Variants in PSTPIP2 observed in about 807,000 individuals in gnomAD.
PSTPIP2 encodes proline-serine-threonine phosphatase interacting protein 2.
In PSTPIP2, 33 loss-of-function variants were observed where a neutral mutation model predicts 63.3. The ratio of observed to expected loss-of-function variants is 0.52; its 90% CI spans 0.40 to 0.70. The LOEUF (loss-of-function observed/expected upper bound fraction) is 0.70. Among genes scored for constraint, PSTPIP2 ranks in the 30% least tolerant of loss-of-function variants. PSTPIP2 has a pLI of 0.00. For missense variants in PSTPIP2, 312 were observed against 400.7 expected (o/e 0.78, Z 1.89); for synonymous variants, 125 against 132.7 (o/e 0.94, Z 0.40).
At chr18:46,044,706 T>A (rs1266182373) in intron 1 of PSTPIP2, among the ~76,000 whole-genome samples, 1 of 151,970 alleles carries the variant, frequency 6.6e-6, no homozygotes, top group Non-Finnish European at 1.5e-5. Flanking sequence ...GAAACTACCA[T>A]CAGAGTGAAC....
chr18:46,006,775 T>C (rs544415072), intron 5 of PSTPIP2, among the ~76,000 whole-genome samples: 1 of 152,320 alleles, frequency 6.6e-6, no homozygotes, highest in East Asian at 1.9e-4. Flanking sequence ...GCAAAAATAA[T>C]GGTGTTAATA....
At chr18:46,028,322 C>T (rs1907664764) in intron 2 of PSTPIP2, 1 of 471,132 alleles carries the variant, frequency 2.1e-6, no homozygotes, top group Admixed American at 2.7e-5. Flanking sequence ...GACTGGAAAG[C>T]CGGAGCGGGG....
chr18:46,060,973 T>C (rs1163777648), intron 1 of PSTPIP2, among the ~76,000 whole-genome samples: 3 of 152,094 alleles, frequency 2.0e-5, no homozygotes, highest in Non-Finnish European at 4.4e-5. Context: ...GGTTGGCAGA[T>C]AAGAGGGAAT....
chr18:45,986,679 C>T (rs637001), intron 14 of PSTPIP2, among the ~76,000 whole-genome samples: 103,799 of 152,104 alleles, frequency 0.68, 36,810 homozygotes, highest in African/African-American at 0.88. Context: ...AGACTAGCAT[C>T]TATTTGTAGA....
rs751662235 is a variant in PSTPIP2, at chr18:46,005,560, A to G, written c.355-29T>C. 5.5e-6 allele frequency: 8 copies of G among 1,466,376 alleles called. No homozygotes were observed. In the South Asian group the frequency reaches 7.5e-5, roughly 14 times the overall value. The allele number at this position is 1,466,376 out of a possible 1,614,324, so 90.8% of individuals were successfully genotyped here. ...TAAAGAGATCATAAACACTCTTAAT[A>G]AAAACACAAATCATTATTAATAAAA... On this transcript the variant is annotated intron_variant, in intron 5 of 14. Transcript: ENST00000409746.
chr18:46,041,318 G>A (rs1323632650), intron 1 of PSTPIP2, among the ~76,000 whole-genome samples: 1 of 152,124 alleles, frequency 6.6e-6, no homozygotes, highest in Non-Finnish European at 1.5e-5. Flanking sequence ...CACGATCTTG[G>A]CTCACTGCAA....
At chr18:46,037,004 G>T (rs1294445073) in intron 2 of PSTPIP2, among the ~76,000 whole-genome samples, 6 of 152,036 alleles carry the variant, frequency 3.9e-5, no homozygotes, top group African/African-American at 1.4e-4. Flanking sequence ...TAATAAATAA[G>T]GTATAACATT....
Position 46,040,010 on chromosome 18 carries a change from A to T in PSTPIP2, c.71T>A (p.Ile24Asn). Reference protein sequence around the residue: ...DILSTIGYDNIIQHLNNGRKN... With the variant: ...DILSTIGYDNNIQHLNNGRKN... ...GCGGCCATTGTTCAGATGTTGGATAATGTTGTCATAGCCGATGGTGCTGAG... is the reference window on the plus strand; with the variant it reads ...GCGGCCATTGTTCAGATGTTGGATATTGTTGTCATAGCCGATGGTGCTGAG... Residue 24 changes from isoleucine to asparagine, a missense_variant, in exon 2 of 15, where the codon ATT becomes AAT. By Grantham distance (149) the Ile-to-Asn change is moderately radical. Coordinates refer to ENST00000409746, the MANE Select transcript of PSTPIP2 (RefSeq NM_024430.4). 6.2e-7 allele frequency: 1 copy of T among 1,613,300 alleles called. No homozygotes were observed. The highest frequency in any genetic ancestry group is 8.5e-7 in the Non-Finnish European group (1 of 1,179,562).
chr18:46,028,647 G>A, intron 2 of PSTPIP2: 1 of 826,476 alleles, frequency 1.2e-6, no homozygotes, highest in East Asian at 2.9e-5. Context: ...TGAAGAAGAT[G>A]AAGATGAGGA....
chr18:46,058,275 G>T (rs1251353131), intron 1 of PSTPIP2, among the ~76,000 whole-genome samples: 2 of 152,034 alleles, frequency 1.3e-5, no homozygotes, highest in African/African-American at 4.8e-5. Flanking sequence ...CTAAGGGAGG[G>T]ATTTTTATGG....
At chr18:46,027,549 G>T (rs1327831515) in intron 2 of PSTPIP2, among the ~76,000 whole-genome samples, 2 of 151,818 alleles carry the variant, frequency 1.3e-5, no homozygotes, top group Non-Finnish European at 2.9e-5. Context: ...AATTAGCTGG[G>T]TGTGGTGGCA....
At chr18:46,050,330 G>A (rs1337609029) in intron 1 of PSTPIP2, among the ~76,000 whole-genome samples, 1 of 152,172 alleles carries the variant, frequency 6.6e-6, no homozygotes, top group East Asian at 1.9e-4. Context: ...AACACTATGG[G>A]AGGCCAAGGT....
intron 2 of PSTPIP2, among the ~76,000 whole-genome samples, chr18:46,032,910 G>A (rs1026066500): frequency 6.6e-6 from 1 of 152,162 alleles, no homozygotes; most frequent in Non-Finnish European, 1.5e-5. Context: ...CCCAAAATCA[G>A]AGTGAACTGA....
intron 1 of PSTPIP2, among the ~76,000 whole-genome samples, chr18:46,069,190 A>C (rs931506109): frequency 6.6e-6 from 1 of 152,204 alleles, no homozygotes; most frequent in African/African-American, 2.4e-5. Flanking sequence ...TACCCTTCCA[A>C]AACGGGTCCC....
At chr18:46,033,335 T>G (rs1036304487) in intron 2 of PSTPIP2, among the ~76,000 whole-genome samples, 1 of 152,172 alleles carries the variant, frequency 6.6e-6, no homozygotes, top group South Asian at 2.1e-4. Context: ...ATTGCAGACG[T>G]AATTGTTGAG....
Position 46,063,614 on chromosome 18 carries a change from TACACAC to T in PSTPIP2, c.33+8536_33+8541del, listed in dbSNP as rs34948592. 1.7e-3 allele frequency among the ~76,000 whole-genome samples: 253 copies of T among 148,578 alleles called. 7 individuals are homozygous for T. The East Asian group carries it at 0.035, about 21-fold the overall frequency. On this transcript the variant is annotated intron_variant, in intron 1 of 14. Transcript: ENST00000409746. Reference sequence around the variant, plus strand: ...ATACTGGATGTTAGAACATGTGAATTACACACACACACACACACACACACACGTGTA... The same window carrying T: ...ATACTGGATGTTAGAACATGTGAATTACACACACACACACACACACGTGTA...
intron 5 of PSTPIP2, among the ~76,000 whole-genome samples, chr18:46,008,188 A>T (rs770435589): frequency 4.6e-5 from 7 of 152,240 alleles, no homozygotes; most frequent in Non-Finnish European, 8.8e-5. Context: ...GGGTGGGGAA[A>T]GGCAAGAGAG....
At chr18:46,009,796 T>C (rs548823848) in intron 5 of PSTPIP2, among the ~76,000 whole-genome samples, 1 of 152,346 alleles carries the variant, frequency 6.6e-6, no homozygotes, top group South Asian at 2.1e-4. Flanking sequence ...AAGGCATTTT[T>C]GATTCTGAAA....
At chr18:46,055,237 T>C (rs1045405389) in intron 1 of PSTPIP2, among the ~76,000 whole-genome samples, 11 of 152,186 alleles carry the variant, frequency 7.2e-5, no homozygotes, top group Non-Finnish European at 1.2e-4. Flanking sequence ...CTGTCCCTCA[T>C]ACACATCCAG....
Sources: allele counts gnomAD v4.1 joint callset (sites outside exome capture counted in the v4.1 genomes callset), GRCh38; gene constraint gnomAD v4.1.1; transcripts MANE v1.5; gene names NCBI Gene and HGNC (gene_info 2026-07-23, HGNC 2026-07-21).